SORCS3: variants seen among roughly 807,000 people sequenced by gnomAD.
SORCS3 encodes sortilin related VPS10 domain containing receptor 3, also known as VPS10 domain-containing receptor SorCS3.
SORCS3 carries 57 observed loss-of-function variants against 146.3 expected under a neutral mutation model. That is an observed-to-expected ratio of 0.39 (90% CI 0.31 to 0.49). The LOEUF is 0.49. Ranked by LOEUF, SORCS3 falls within the 20% of genes least tolerant of loss-of-function variation. SORCS3 has a pLI of 0.92. For synonymous variants in SORCS3, 653 were observed against 618.5 expected, an observed-to-expected ratio of 1.06 and a Z score of -0.83; for missense variants, 1,341 against 1,575.5, an observed-to-expected ratio of 0.85 and a Z score of 2.52.
At chr10:104,913,920 C>T (rs921423543) in intron 2 of SORCS3, among the ~76,000 whole-genome samples, 2 of 152,002 alleles carry the variant, frequency 1.3e-5, no homozygotes, top group Non-Finnish European at 2.9e-5. Context: ...AGGTGTGTGC[C>T]ACCATGCCCA....
Position 105,139,429 on chromosome 10 carries a change from G to A in SORCS3, c.1245G>A (p.Val415=). Reference sequence around the variant, plus strand: ...CTAGTGGAAGAGCCAGCTACTACGTGTCTTATCGAAGAGAGGCCTTTGCTC... The same window carrying A: ...CTAGTGGAAGAGCCAGCTACTACGTATCTTATCGAAGAGAGGCCTTTGCTC... ...VTTSGRASYY[V]SYRREAFAQI... is the part of the protein sequence containing the mutation. The change falls in exon 8 of 27, where the codon GTG becomes GTA. Residue 415 remains valine (V), a synonymous_variant. Coordinates refer to ENST00000369701, the MANE Select transcript of SORCS3 (RefSeq NM_014978.3). 2 of 1,613,678 alleles carry A rather than the reference G, an allele frequency of 1.2e-6. No homozygotes were observed. Among genetic ancestry groups the A allele is most frequent in the Non-Finnish European group, 1.7e-6 (2 of 1,179,644 alleles).
chr10:105,197,553 G>A (rs975155514), intron 14 of SORCS3, among the ~76,000 whole-genome samples: 3 of 152,202 alleles, frequency 2.0e-5, no homozygotes, highest in Non-Finnish European at 2.9e-5. Context: ...TGCCTCTTTG[G>A]TTCTAGACAA....
intron 20 of SORCS3, among the ~76,000 whole-genome samples, chr10:105,230,642 T>C (rs1002269820): frequency 1.3e-5 from 2 of 152,120 alleles, no homozygotes; most frequent in Non-Finnish European, 2.9e-5. Context: ...GTGCAATAAA[T>C]GCACAGTGGC....
At chr10:105,105,698 C>T (rs923828680) in intron 7 of SORCS3, among the ~76,000 whole-genome samples, 183 bp downstream of exon 7, 2 of 152,222 alleles carry the variant, frequency 1.3e-5, no homozygotes, top group Non-Finnish European at 2.9e-5. Flanking sequence ...TAGTGATGCA[C>T]TGAATCCTTC....
rs374419857 is a variant in SORCS3, at chr10:104,919,419, A to G, written c.795+3487A>G. On this transcript the variant is annotated intron_variant, in intron 3 of 26. Coordinates refer to ENST00000369701, the MANE Select transcript of SORCS3 (RefSeq NM_014978.3). ...GAAATTAACGTTTGTAGCCAGGCAC[A>G]GTGGCTCATGCCTGTAATCCCAGCA... Among the ~76,000 whole-genome samples, 56 of 152,192 alleles carry G rather than the reference A, an allele frequency of 3.7e-4. No homozygotes were observed. The South Asian group carries it at 0.011, about 29-fold the overall frequency.
chr10:104,684,928 C>T (rs1042790706), intron 1 of SORCS3, among the ~76,000 whole-genome samples: 1 of 151,072 alleles, frequency 6.6e-6, no homozygotes, highest in Non-Finnish European at 1.5e-5. Context: ...AGCAATTCTC[C>T]TGCCTCAGCC....
chr10:104,725,361 G>A (rs1446667214), intron 1 of SORCS3, among the ~76,000 whole-genome samples: 1 of 152,100 alleles, frequency 6.6e-6, no homozygotes, highest in Admixed American at 6.6e-5. Flanking sequence ...GAGTACCCGG[G>A]CATGTGAGGT....
At position 104,867,718 on chromosome 10, in the gene SORCS3, G is replaced by A. The variant is rs1461685266; in HGVS notation, c.695+24859G>A. Among the ~76,000 whole-genome samples the A allele has an allele frequency of 7.9e-5, 12 of 152,082 alleles. No individual in the cohort carries two copies. The South Asian group carries it at 1.0e-3, about 13-fold the overall frequency. On this transcript the variant is annotated intron_variant, in intron 2 of 26. Transcript: ENST00000369701. ...CTTGCCTCATCCCAGTCCCAGGCCTGCCTAGGAGGTGACATGAGTTGAGAC... is the reference window on the plus strand; with the variant it reads ...CTTGCCTCATCCCAGTCCCAGGCCTACCTAGGAGGTGACATGAGTTGAGAC...
In SORCS3 at chr10:104,779,825, G is replaced by A. The variant is rs1194977904; in HGVS notation, c.628-62967G>A. Among the ~76,000 whole-genome samples the A allele has an allele frequency of 2.0e-5, 3 of 152,292 alleles. No homozygotes were observed. The East Asian group carries it at 5.8e-4, about 29-fold the overall frequency. On this transcript the variant is annotated intron_variant, in intron 1 of 26. Coordinates refer to ENST00000369701, the MANE Select transcript of SORCS3 (RefSeq NM_014978.3). ...TTCCCCATCTCCACTAACCACGCAA[G>A]TCTCTACTCTGCCCTGCCTCACCCC...
chr10:105,260,868 C>T (rs940284003), intron 25 of SORCS3, among the ~76,000 whole-genome samples: 1 of 152,118 alleles, frequency 6.6e-6, no homozygotes, highest in African/African-American at 2.4e-5. Context: ...AATGTCTAGA[C>T]ATTAGTCTAA....
At chr10:104,949,154 C>G (rs890237510) in intron 3 of SORCS3, among the ~76,000 whole-genome samples, 1 of 152,058 alleles carries the variant, frequency 6.6e-6, no homozygotes, top group Non-Finnish European at 1.5e-5. Context: ...ACATAATCAC[C>G]ACCCCACTCC....
intron 1 of SORCS3, among the ~76,000 whole-genome samples, chr10:104,833,080 T>A (rs2018019614): frequency 6.6e-6 from 1 of 152,204 alleles, no homozygotes; most frequent in Non-Finnish European, 1.5e-5. Flanking sequence ...ATGTTTATGA[T>A]AAGACCAGTG....
At chr10:104,761,612 C>T (rs571606751) in intron 1 of SORCS3, among the ~76,000 whole-genome samples, 1 of 152,210 alleles carries the variant, frequency 6.6e-6, no homozygotes. Flanking sequence ...ATCCAAGATC[C>T]TGAATGGATA....
At chr10:104,781,591 C>T (rs796848753) in intron 1 of SORCS3, among the ~76,000 whole-genome samples, 5 of 152,330 alleles carry the variant, frequency 3.3e-5, no homozygotes, top group African/African-American at 1.2e-4. Flanking sequence ...TGTACACACA[C>T]ACACTTTTCA....
At chr10:105,031,270 G>A (rs907578776) in intron 4 of SORCS3, among the ~76,000 whole-genome samples, 25 of 151,576 alleles carry the variant, frequency 1.6e-4, no homozygotes, top group African/African-American at 5.6e-4. Flanking sequence ...CTGCCCTCCC[G>A]TCTGGGCAAC....
At chr10:104,893,432 T>C (rs1236518704) in intron 2 of SORCS3, among the ~76,000 whole-genome samples, 2 of 152,218 alleles carry the variant, frequency 1.3e-5, no homozygotes, top group African/African-American at 4.8e-5. Flanking sequence ...CCCCACACTG[T>C]CTGCCTTGTC....
intron 1 of SORCS3, among the ~76,000 whole-genome samples, chr10:104,804,252 G>A (rs967875607): frequency 2.0e-5 from 3 of 152,168 alleles, no homozygotes; most frequent in Non-Finnish European, 4.4e-5. Flanking sequence ...AAGGAACCTG[G>A]CCCAAGGCCA....
chr10:104,759,271 C>G (rs1371964520), intron 1 of SORCS3, among the ~76,000 whole-genome samples: 1 of 152,212 alleles, frequency 6.6e-6, no homozygotes, highest in Non-Finnish European at 1.5e-5. Context: ...GGAAGCAACT[C>G]TGTCCACACC....
intron 7 of SORCS3, among the ~76,000 whole-genome samples, chr10:105,121,231 G>C (rs1005009285): frequency 6.6e-6 from 1 of 152,180 alleles, no homozygotes; most frequent in East Asian, 1.9e-4. Context: ...AAGAATTGTT[G>C]TTATAGTGGA....
Sources: gnomAD v4.1 joint callset for allele counts (sites outside exome capture counted in the v4.1 genomes callset) on GRCh38, gnomAD v4.1.1 for gene constraint, MANE v1.5 for transcripts, NCBI Gene and HGNC (gene_info 2026-07-23, HGNC 2026-07-21) for gene names.